Variants in LSAMP observed in about 807,000 individuals in gnomAD.
LSAMP encodes limbic system-associated membrane protein.
In LSAMP, 7 loss-of-function variants were observed where a neutral mutation model predicts 38.6. That is an observed-to-expected ratio of 0.18 (90% CI 0.10 to 0.34). The LOEUF (loss-of-function observed/expected upper bound fraction) is 0.34, where lower values mean the gene tolerates loss of function less well. Ranked by LOEUF, LSAMP falls within the 10% of genes least tolerant of loss-of-function variation. LSAMP has a pLI of 1.00. For synonymous variants in LSAMP, 154 were observed against 166.8 expected, an observed-to-expected ratio of 0.92 and a Z score of 0.59; for missense variants, 313 against 420.0, an observed-to-expected ratio of 0.75 and a Z score of 2.23.
intron 1 of LSAMP, among the ~76,000 whole-genome samples, chr3:116,439,048 A>G (rs1466653306): frequency 7.9e-5 from 12 of 152,156 alleles, no homozygotes; most frequent in Admixed American, 7.2e-4. Context: ...TTTTACCTCT[A>G]TGTACATAGC....
chr3:115,815,792 G>T (rs777946746), intron 6 of LSAMP, among the ~76,000 whole-genome samples: 4 of 152,112 alleles, frequency 2.6e-5, no homozygotes, highest in Non-Finnish European at 4.4e-5. Flanking sequence ...CTTCTTGAAG[G>T]CCTCAAATGA....
At chr3:116,202,856 C>A (rs1677528346) in intron 1 of LSAMP, among the ~76,000 whole-genome samples, 2 of 152,178 alleles carry the variant, frequency 1.3e-5, no homozygotes, top group Non-Finnish European at 2.9e-5. Flanking sequence ...GAAGTTCTCA[C>A]CTCTGCAAAT....
At chr3:116,276,633 A>G (rs1354407014) in intron 1 of LSAMP, among the ~76,000 whole-genome samples, 1 of 151,676 alleles carries the variant, frequency 6.6e-6, no homozygotes, top group Non-Finnish European at 1.5e-5. Flanking sequence ...AAGTACTTAC[A>G]TAACCAAATA....
intron 3 of LSAMP, among the ~76,000 whole-genome samples, chr3:115,943,622 A>C (rs903388329): frequency 2.0e-5 from 3 of 152,196 alleles, no homozygotes; most frequent in Non-Finnish European, 4.4e-5. Context: ...AGGCATCTCC[A>C]TGTCCTGATT....
chr3:116,122,636 A>T (rs1302228060), intron 1 of LSAMP, among the ~76,000 whole-genome samples: 1 of 152,252 alleles, frequency 6.6e-6, no homozygotes, highest in Non-Finnish European at 1.5e-5. Context: ...CATTACTTAG[A>T]AAGTTGTGTG....
chr3:116,265,558 G>C (rs75429064), intron 1 of LSAMP, among the ~76,000 whole-genome samples: 1 of 152,084 alleles, frequency 6.6e-6, no homozygotes, highest in African/African-American at 2.4e-5. Flanking sequence ...CTAAATACTC[G>C]TTCCAGGATG....
At chr3:115,830,670 A>G (rs1342552354) in intron 6 of LSAMP, among the ~76,000 whole-genome samples, 1 of 151,690 alleles carries the variant, frequency 6.6e-6, no homozygotes, top group African/African-American at 2.4e-5. Flanking sequence ...TGTTGTATTA[A>G]GGAGCTGAAA....
chr3:116,009,948 A>T (rs567256372), intron 3 of LSAMP, among the ~76,000 whole-genome samples: 13 of 151,930 alleles, frequency 8.6e-5, no homozygotes, highest in Non-Finnish European at 8.8e-5. Flanking sequence ...ATGGAGTCTC[A>T]CTCTGCCACC....
At chr3:116,255,504 C>CA (rs2046738696) in intron 1 of LSAMP, among the ~76,000 whole-genome samples, 1 of 152,128 alleles carries the variant, frequency 6.6e-6, no homozygotes, top group South Asian at 2.1e-4. Context: ...TATTTATAGA[C>CA]AAAGAGAACC....
intron 1 of LSAMP, among the ~76,000 whole-genome samples, chr3:116,166,203 A>G (rs1710046528): frequency 6.6e-6 from 1 of 152,212 alleles, no homozygotes; most frequent in South Asian, 2.1e-4. Flanking sequence ...CTGCCATTGG[A>G]ACAATACCCC....
intron 1 of LSAMP, among the ~76,000 whole-genome samples, chr3:116,088,793 A>C (rs1468662646): frequency 2.6e-5 from 4 of 152,226 alleles, no homozygotes; most frequent in Non-Finnish European, 5.9e-5. Flanking sequence ...CACGTAATAT[A>C]GCTTACCTAA....
intron 1 of LSAMP, among the ~76,000 whole-genome samples, chr3:116,147,008 GGTTAAGAAGGGTCAA>G (rs1338389700): frequency 6.6e-6 from 1 of 151,808 alleles, no homozygotes; most frequent in East Asian, 1.9e-4. Context: ...AGGATTTCAT[GGTTAAGAAGGGTCAA>G]GTTGGATCAT....
At chr3:115,874,412 C>A (rs1032384707) in intron 3 of LSAMP, among the ~76,000 whole-genome samples, 1 of 152,014 alleles carries the variant, frequency 6.6e-6, no homozygotes, top group Non-Finnish European at 1.5e-5. Context: ...TCTATTCTCT[C>A]AAAAAATTTG....
At chr3:116,037,652 A>G (rs1312278967) in intron 2 of LSAMP, among the ~76,000 whole-genome samples, 1 of 152,174 alleles carries the variant, frequency 6.6e-6, no homozygotes, top group Non-Finnish European at 1.5e-5. Flanking sequence ...TCTTCTCAGA[A>G]AGCACAAAAG....
intron 1 of LSAMP, among the ~76,000 whole-genome samples, chr3:116,100,155 C>G (rs1559742094): frequency 6.6e-6 from 1 of 151,942 alleles, no homozygotes; most frequent in Non-Finnish European, 1.5e-5. Flanking sequence ...AATCTTGGCT[C>G]ACTGTAACCT....
At chr3:116,019,491 A>G in intron 3 of LSAMP, 24 bp downstream of exon 3, 2 of 1,608,744 alleles carry the variant, frequency 1.2e-6, no homozygotes, top group Non-Finnish European at 1.7e-6. Context: ...CATGTGGCAT[A>G]TTGGAACCTG....
intron 2 of LSAMP, among the ~76,000 whole-genome samples, chr3:116,050,546 T>G (rs1553699422): frequency 6.8e-6 from 1 of 146,040 alleles, no homozygotes; most frequent in African/African-American, 2.5e-5. Flanking sequence ...AAAAAAAAAG[T>G]ATCCACTAAG....
At position 115,897,195 on chromosome 3, in the gene LSAMP, C is replaced by T. The variant is rs1936750640; in HGVS notation, c.515-44578G>A. Among the ~76,000 whole-genome samples the T allele has an allele frequency of 3.9e-5, 6 of 152,100 alleles. No homozygotes were observed. The South Asian group carries it at 1.0e-3, about 26-fold the overall frequency. On this transcript the variant is annotated intron_variant, in intron 3 of 6. Coordinates refer to ENST00000490035, the MANE Select transcript of LSAMP (RefSeq NM_002338.5). ...AGGAGGTATTGCTTAGATGCTCACC[C>T]AGCTATTAATAAAGCTGATCATTTT...
intron 1 of LSAMP, among the ~76,000 whole-genome samples, chr3:116,335,837 T>A (rs1040357467): frequency 4.6e-5 from 7 of 152,072 alleles, no homozygotes; most frequent in African/African-American, 1.7e-4. Flanking sequence ...AATTCTGTAC[T>A]GAAAGCGAAA....
Sources: allele counts gnomAD v4.1 joint callset (sites outside exome capture counted in the v4.1 genomes callset), GRCh38; gene constraint gnomAD v4.1.1; transcripts MANE v1.5; gene names NCBI Gene and HGNC (gene_info 2026-07-23, HGNC 2026-07-21).